MAPK8: variants seen among roughly 807,000 people sequenced by gnomAD.
The protein encoded by MAPK8 is JUN N-terminal kinase.
MAPK8 carries 13 observed loss-of-function variants against 52.9 expected under a neutral mutation model. The ratio of observed to expected loss-of-function variants is 0.25; its 90% CI spans 0.16 to 0.39. The LOEUF is 0.39. MAPK8 is among the 10% of genes least tolerant of loss of function. The pLI, the probability that MAPK8 is intolerant of heterozygous loss-of-function variation, is 1.00. For synonymous variants in MAPK8, 191 were observed against 169.8 expected, an observed-to-expected ratio of 1.12 and a Z score of -0.97; for missense variants, 300 against 519.2, an observed-to-expected ratio of 0.58 and a Z score of 4.10.
intron 5 of MAPK8, among the ~76,000 whole-genome samples, chr10:48,411,128 A>G (rs1425776520): frequency 2.6e-5 from 4 of 152,216 alleles, no homozygotes; most frequent in Non-Finnish European, 4.4e-5. Context: ...TATAATTTTA[A>G]TGAAATACAA....
chr10:48,365,254 G>T (rs751224891), intron 1 of MAPK8, among the ~76,000 whole-genome samples: 6 of 152,020 alleles, frequency 3.9e-5, no homozygotes, highest in Non-Finnish European at 7.4e-5. Flanking sequence ...ATACAAAAGG[G>T]GTTTGTTTAA....
chr10:48,429,353 A>G (rs1205957826), intron 10 of MAPK8, among the ~76,000 whole-genome samples: 1 of 152,210 alleles, frequency 6.6e-6, no homozygotes, highest in Non-Finnish European at 1.5e-5. Flanking sequence ...GTATAAGGAT[A>G]TATTTGGGGG....
intron 1 of MAPK8, among the ~76,000 whole-genome samples, chr10:48,328,539 T>C (rs1364580840): frequency 6.6e-6 from 1 of 152,222 alleles, no homozygotes; most frequent in African/African-American, 2.4e-5. Context: ...TTATCTTGCC[T>C]TAACCTGGGA....
chr10:48,380,332 A>G lies in MAPK8; in HGVS notation c.-49-21280A>G, dbSNP rs530588718. ...TGCATACAATTTTGGAACACATATC[A>G]ATACAACTGTAACTCAAAGAAAGCT... On this transcript the variant is annotated intron_variant, in intron 1 of 11. Coordinates refer to ENST00000374189, the MANE Select transcript of MAPK8 (RefSeq NM_001323329.2). Among the ~76,000 whole-genome samples the G allele has an allele frequency of 5.3e-5, 8 of 152,368 alleles. No individual in the cohort carries two copies. The East Asian group carries it at 1.2e-3, about 22-fold the overall frequency.
intron 1 of MAPK8, among the ~76,000 whole-genome samples, chr10:48,349,059 A>G (rs924784829): frequency 2.0e-5 from 3 of 152,204 alleles, no homozygotes; most frequent in Non-Finnish European, 4.4e-5. Context: ...AAAGGGATCA[A>G]TGCAACAAGA....
chr10:48,397,677 G>A (rs780044141), intron 1 of MAPK8, among the ~76,000 whole-genome samples: 2 of 151,938 alleles, frequency 1.3e-5, no homozygotes, highest in African/African-American at 2.4e-5. Context: ...TGCAACCTTC[G>A]TCTCCAGGGT....
At chr10:48,404,643 A>G (rs966734791) in intron 2 of MAPK8, among the ~76,000 whole-genome samples, 1 of 152,180 alleles carries the variant, frequency 6.6e-6, no homozygotes, top group African/African-American at 2.4e-5. Flanking sequence ...TCCACTGTCT[A>G]TTTGGATCCA....
chr10:48,436,294 C>T lies in MAPK8; in HGVS notation c.*1265C>T, dbSNP rs113767329. On this transcript the variant is annotated 3_prime_UTR_variant, in exon 12 of 12. Coordinates refer to ENST00000374189, the MANE Select transcript of MAPK8 (RefSeq NM_001323329.2). ...TTTATACCTGATTTTCAACATAACACGCAATGTGGATGTCGAGTAGTGTTA... is the reference window on the plus strand; with the variant it reads ...TTTATACCTGATTTTCAACATAACATGCAATGTGGATGTCGAGTAGTGTTA... The T allele has an allele frequency of 3.9e-5, 6 of 152,140 alleles. No homozygotes were observed. The highest frequency in any genetic ancestry group is 8.8e-5 in the Non-Finnish European group (6 of 68,024). 9.4% of individuals were successfully genotyped at this position (152,140 alleles called of 1,614,324 possible).
intron 3 of MAPK8, among the ~76,000 whole-genome samples, chr10:48,406,914 T>C (rs1008702941): frequency 6.6e-6 from 1 of 152,258 alleles, no homozygotes; most frequent in East Asian, 1.9e-4. Context: ...CTCTTAACTG[T>C]AGACATTAAA....
rs949502929 is a variant in MAPK8 at position 48,382,944 on chromosome 10, A to ATG, written c.-49-18667_-49-18666insGT. 2.8e-4 allele frequency among the ~76,000 whole-genome samples: 41 copies of ATG among 146,812 alleles called. 1 individual carries two copies. Among genetic ancestry groups the ATG allele is most frequent in the Non-Finnish European group, 5.1e-4 (34 of 66,940 alleles). ...TGTATATATATATAGCTATGTGTAT[A>ATG]TATATATGTATATATATATAGATAG... On this transcript the variant is annotated intron_variant, in intron 1 of 11. Transcript: ENST00000374189.
In MAPK8 at chr10:48,321,089, G is replaced by GTTTT. The variant is rs34616108; in HGVS notation, c.-50+14288_-50+14291dup. 2.1e-3 allele frequency among the ~76,000 whole-genome samples: 201 copies of GTTTT among 93,968 alleles called. 4 individuals carry two copies. Among genetic ancestry groups the GTTTT allele is most frequent in the African/African-American group, 8.1e-3 (185 of 22,838 alleles). The allele number at this position is 93,968 out of a possible 152,430, so 61.6% of individuals were successfully genotyped here. A position where few individuals can be genotyped will look rare whatever the true frequency, so the allele number is the denominator to read the frequency against. ...TTTATCTTTTTATTACGTTGTAAGA[G>GTTTT]TTTTTTTTTTTTTTTTTTTTTTTAA... On this transcript the variant is annotated intron_variant, in intron 1 of 11. Coordinates refer to ENST00000374189, the MANE Select transcript of MAPK8 (RefSeq NM_001323329.2).
chr10:48,409,972 A>T (rs1234538490), intron 4 of MAPK8, 35 bp downstream of exon 4: 3 of 1,608,114 alleles, frequency 1.9e-6, no homozygotes, highest in Non-Finnish European at 2.5e-6. Context: ...TTAAGTTAGT[A>T]CATTTTTCTT....
At chr10:48,404,826 G>T (rs766543207) in intron 2 of MAPK8, 26 bp from the exon 3 acceptor site, 11 of 1,570,874 alleles carry the variant, frequency 7.0e-6, no homozygotes, top group African/African-American at 4.1e-5. Context: ...AAGTTTTTTT[G>T]TGTGTTTTTG....
chr10:48,309,565 A>G lies in MAPK8; in HGVS notation c.-50+2744A>G, dbSNP rs115601617. Reference sequence around the variant, plus strand: ...AATTAATGTGGTTATAATCTTAACTATTTGCTCCATGCCTGATATTATCAA... The same window carrying G: ...AATTAATGTGGTTATAATCTTAACTGTTTGCTCCATGCCTGATATTATCAA... On this transcript the variant is annotated intron_variant, in intron 1 of 11. Transcript: ENST00000374189. Among the ~76,000 whole-genome samples, 1,181 of 152,308 alleles carry G rather than the reference A, an allele frequency of 7.8e-3. 15 individuals are homozygous for G. Among genetic ancestry groups the G allele is most frequent in the African/African-American group, 0.027 (1,125 of 41,568 alleles).
rs538520982 is a variant in MAPK8 at position 48,386,616 on chromosome 10, GGTAA to G, written c.-49-14995_-49-14992del. ...GGATACCAGCTCACTGAAGTGTTAT[GGTAA>G]TATCATACCCATATCATTTCCGTTA... is the stretch of plus-strand genomic sequence containing the variant. On this transcript the variant is annotated intron_variant, in intron 1 of 11. Transcript: ENST00000374189. Among the ~76,000 whole-genome samples the G allele has an allele frequency of 7.9e-3, 1,208 of 152,168 alleles. 13 individuals carry two copies. Among genetic ancestry groups the G allele is most frequent in the African/African-American group, 0.028 (1,158 of 41,508 alleles).
intron 1 of MAPK8, among the ~76,000 whole-genome samples, chr10:48,321,412 C>T (rs75574801): frequency 6.6e-6 from 1 of 152,160 alleles, no homozygotes; most frequent in Non-Finnish European, 1.5e-5. Context: ...ATTATAGATA[C>T]AAGTTGCATA....
chr10:48,427,407 T>A, intron 10 of MAPK8: 2 of 353,846 alleles, frequency 5.7e-6, no homozygotes, highest in Non-Finnish European at 1.1e-5. Flanking sequence ...CAAATGTGTT[T>A]AGTGTCTCCC....
chr10:48,402,407 A>G (rs1481179779), intron 2 of MAPK8, among the ~76,000 whole-genome samples: 2 of 152,206 alleles, frequency 1.3e-5, no homozygotes, highest in East Asian at 1.9e-4. Context: ...ATCTTATTCT[A>G]TACTGGGGAA....
intron 1 of MAPK8, chr10:48,307,297 C>A (rs1841469956): frequency 6.6e-6 from 1 of 152,232 alleles, no homozygotes; most frequent in Non-Finnish European, 1.5e-5. Flanking sequence ...CCATAGGGAC[C>A]GTATTTTGCT....
Sources: gnomAD v4.1 joint callset for allele counts (sites outside exome capture counted in the v4.1 genomes callset) on GRCh38, gnomAD v4.1.1 for gene constraint, MANE v1.5 for transcripts, NCBI Gene and HGNC (gene_info 2026-07-23, HGNC 2026-07-21) for gene names.